The following CTNNA3 variants were observed in gnomAD, a reference collection of about 807,000 sequenced individuals.
The protein encoded by CTNNA3 is catenin alpha-3.
Under a neutral mutation model 95.7 loss-of-function variants are expected in CTNNA3, and 76 were observed. The observed-to-expected ratio is 0.79, with a 90% CI of 0.66 to 0.96. The LOEUF (loss-of-function observed/expected upper bound fraction) is 0.96, where lower values mean the gene tolerates loss of function less well. Ranked by LOEUF, CTNNA3 falls within the 40% of genes least tolerant of loss-of-function variation. The pLI is 0.00. For synonymous variants in CTNNA3, 431 were observed against 374.4 expected, an observed-to-expected ratio of 1.15 and a Z score of -1.74; for missense variants, 1,191 against 1,089.8, an observed-to-expected ratio of 1.09 and a Z score of -1.31.
intron 11 of CTNNA3, among the ~76,000 whole-genome samples, chr10:66,429,583 C>T (rs996265559): frequency 2.0e-5 from 3 of 152,172 alleles, no homozygotes; most frequent in Admixed American, 6.5e-5. Context: ...CCCTGGGATG[C>T]AAGGCTGGTT....
intron 11 of CTNNA3, among the ~76,000 whole-genome samples, chr10:66,398,387 G>A (rs1205453347): frequency 6.6e-6 from 1 of 151,944 alleles, no homozygotes; most frequent in Non-Finnish European, 1.5e-5. Context: ...ATGAATAGCA[G>A]TCATATGCCC....
intron 11 of CTNNA3, among the ~76,000 whole-genome samples, chr10:66,397,162 GT>G (rs1183303021): frequency 6.6e-6 from 1 of 151,490 alleles, no homozygotes; most frequent in Non-Finnish European, 1.5e-5. Flanking sequence ...ATTATGAGTA[GT>G]TTTTATTTTT....
intron 1 of CTNNA3, among the ~76,000 whole-genome samples, chr10:67,745,392 A>C (rs1036968003): frequency 6.6e-6 from 1 of 151,962 alleles, no homozygotes; most frequent in Admixed American, 6.6e-5. Context: ...CATCATTCTC[A>C]GCAAACTATG....
chr10:67,274,662 T>C (rs1839117736), intron 5 of CTNNA3, among the ~76,000 whole-genome samples: 1 of 151,858 alleles, frequency 6.6e-6, no homozygotes, highest in Non-Finnish European at 1.5e-5. Context: ...ACTCCATTTC[T>C]ACAAAAATAC....
chr10:66,984,385 G>T (rs528267591), intron 7 of CTNNA3, among the ~76,000 whole-genome samples: 23 of 152,080 alleles, frequency 1.5e-4, no homozygotes, highest in Non-Finnish European at 3.2e-4. Flanking sequence ...AAGGTTAAAA[G>T]TCTAAGAAGT....
At chr10:66,928,302 G>GA in intron 7 of CTNNA3, 1 of 1,614,096 alleles carries the variant, frequency 6.2e-7, no homozygotes, top group Non-Finnish European at 8.5e-7. Flanking sequence ...GAAGGCACAG[G>GA]AAAAAGAAAA....
chr10:66,408,570 C>A (rs2093075675), intron 11 of CTNNA3, among the ~76,000 whole-genome samples: 1 of 152,108 alleles, frequency 6.6e-6, no homozygotes, highest in South Asian at 2.1e-4. Flanking sequence ...TTTTAATCAT[C>A]CTTAAGCTGT....
intron 13 of CTNNA3, among the ~76,000 whole-genome samples, chr10:66,119,851 A>G (rs565409811): frequency 6.6e-6 from 1 of 152,198 alleles, no homozygotes; most frequent in Admixed American, 6.5e-5. Context: ...TTCCTGTCTA[A>G]TATTTATTTA....
chr10:66,739,678 C>T (rs1474847105), intron 9 of CTNNA3, among the ~76,000 whole-genome samples: 4 of 151,990 alleles, frequency 2.6e-5, no homozygotes, highest in African/African-American at 4.8e-5. Context: ...ATTAAAGGTA[C>T]ATTGTTAAGA....
chr10:66,217,496 G>T (rs1321214653), intron 13 of CTNNA3, among the ~76,000 whole-genome samples: 1 of 151,956 alleles, frequency 6.6e-6, no homozygotes, highest in Non-Finnish European at 1.5e-5. Flanking sequence ...GTATTGTATG[G>T]GATGGATATT....
At chr10:66,741,366 C>G (rs1428068395) in intron 9 of CTNNA3, among the ~76,000 whole-genome samples, 1 of 152,072 alleles carries the variant, frequency 6.6e-6, no homozygotes, top group Non-Finnish European at 1.5e-5. Flanking sequence ...AAGACATTAC[C>G]AAAGTACTTT....
At chr10:67,126,822 G>T (rs765319432) in intron 7 of CTNNA3, among the ~76,000 whole-genome samples, 1 of 152,210 alleles carries the variant, frequency 6.6e-6, no homozygotes, top group African/African-American at 2.4e-5. Flanking sequence ...GAGACACTCT[G>T]AGCCTTGCTG....
intron 5 of CTNNA3, among the ~76,000 whole-genome samples, chr10:67,399,903 T>C (rs1202155247): frequency 6.6e-6 from 1 of 152,132 alleles, no homozygotes; most frequent in Non-Finnish European, 1.5e-5. Context: ...AGAATTTCTA[T>C]AGTTATATTT....
At chr10:67,010,158 C>T (rs145917625) in intron 7 of CTNNA3, among the ~76,000 whole-genome samples, 5 of 152,058 alleles carry the variant, frequency 3.3e-5, no homozygotes, top group African/African-American at 7.2e-5. Context: ...TAAACACACA[C>T]GCATATGCAC....
chr10:66,978,972 T>G (rs1374990334), intron 7 of CTNNA3, among the ~76,000 whole-genome samples: 1 of 141,764 alleles, frequency 7.1e-6, no homozygotes, highest in African/African-American at 2.6e-5. Flanking sequence ...TTTTTTTTTT[T>G]TTTTTTTTTT....
intron 2 of CTNNA3, among the ~76,000 whole-genome samples, chr10:67,635,113 T>A (rs1316796302): frequency 6.6e-6 from 1 of 151,866 alleles, no homozygotes; most frequent in Non-Finnish European, 1.5e-5. Flanking sequence ...CTCCCAAGAC[T>A]GAACCAGGAA....
chr10:66,594,576 T>C (rs1255457774), intron 10 of CTNNA3, among the ~76,000 whole-genome samples: 1 of 152,190 alleles, frequency 6.6e-6, no homozygotes, highest in African/African-American at 2.4e-5. Flanking sequence ...CATTTGTTTC[T>C]TCTGCCTGAA....
intron 12 of CTNNA3, among the ~76,000 whole-genome samples, chr10:66,300,743 C>G (rs1190666745): frequency 6.6e-6 from 1 of 151,652 alleles, no homozygotes; most frequent in Non-Finnish European, 1.5e-5. Context: ...AAATTAAAGT[C>G]TATAACCTAA....
At chr10:66,170,534 C>G in intron 13 of CTNNA3, among the ~76,000 whole-genome samples, 1 of 151,770 alleles carries the variant, frequency 6.6e-6, no homozygotes, top group Admixed American at 6.6e-5. Context: ...AATGCAGATC[C>G]AAACAGATAA....
Sources: gnomAD v4.1 joint callset for allele counts (sites outside exome capture counted in the v4.1 genomes callset) on GRCh38, gnomAD v4.1.1 for gene constraint, MANE v1.5 for transcripts, NCBI Gene and HGNC (gene_info 2026-07-23, HGNC 2026-07-21) for gene names.